The following IMPG2 variants were observed in gnomAD, a reference collection of about 807,000 sequenced individuals.
IMPG2 encodes the protein interphotoreceptor matrix proteoglycan 2.
A neutral mutation model predicts 129.2 loss-of-function variants in IMPG2; 91 were observed. That is an observed-to-expected ratio of 0.70 (90% CI 0.59 to 0.84). The LOEUF is 0.84. Ranked by LOEUF, IMPG2 falls within the 40% of genes least tolerant of loss-of-function variation. The pLI, the probability that IMPG2 is intolerant of heterozygous loss-of-function variation, is 0.00. For synonymous variants in IMPG2, 510 were observed against 517.7 expected (o/e 0.99, Z 0.20); for missense variants, 1,430 against 1,461.7 (o/e 0.98, Z 0.35).
rs1209298960 is a variant in IMPG2, at chr3:101,245,959, G to C, written c.1386C>G (p.His462Gln). 2.5e-6 allele frequency: 4 copies of C among 1,614,154 alleles called. 1 individual carries two copies. The highest frequency in any genetic ancestry group is 3.3e-5 in the Admixed American group (2 of 60,006). The change falls in exon 12 of 19, where the codon CAC becomes CAG. Residue 462 changes from histidine (H) to glutamine (Q), a missense_variant. His to Gln is a conservative substitution (Grantham distance 24). Coordinates refer to ENST00000193391, the MANE Select transcript of IMPG2 (RefSeq NM_016247.4). ...ESPLGDLVST[H>Q]KLAFPSKMGL... ...CCATCTTCGAGGGAAAGGCTAATTTGTGTGTAGACACTAAATCACCCAAAG... is the reference window on the plus strand; with the variant it reads ...CCATCTTCGAGGGAAAGGCTAATTTCTGTGTAGACACTAAATCACCCAAAG...
rs552610520 is a variant in IMPG2, at chr3:101,224,758, T to G, written c.*2211A>C. The G allele has an allele frequency of 6.6e-6, 1 of 152,246 alleles. No homozygotes were observed. The highest frequency in any genetic ancestry group is 2.4e-5 in the African/African-American group (1 of 41,466). The allele number at this position is 152,246 out of a possible 1,614,324, so 9.4% of individuals were successfully genotyped here. On this transcript the variant is annotated 3_prime_UTR_variant, in exon 19 of 19. Transcript: ENST00000193391. The stretch of plus-strand genomic sequence containing the variant: ...CTGAGGCCTCCTGTTCTTTCCCTGA[T>G]AGTTGAGGGGCTCCTTTACTCTTCC...
Position 101,290,915 on chromosome 3 carries a change from T to C in IMPG2, c.533+564A>G, listed in dbSNP as rs145826336. On this transcript the variant is annotated intron_variant, in intron 4 of 18. Transcript: ENST00000193391. ...ATAATTTAGATGCTCCGAGGATGAATAGAATTGGAAAGCTTTAGCCCCTGT... is the reference window on the plus strand; with the variant it reads ...ATAATTTAGATGCTCCGAGGATGAACAGAATTGGAAAGCTTTAGCCCCTGT... Among the ~76,000 whole-genome samples, 1,123 of 152,246 alleles carry C rather than the reference T, an allele frequency of 7.4e-3. 12 individuals are homozygous for C. The highest frequency in any genetic ancestry group is 0.025 in the African/African-American group (1,029 of 41,546).
chr3:101,298,981 C>A (rs1707112090), intron 3 of IMPG2, among the ~76,000 whole-genome samples: 1 of 152,136 alleles, frequency 6.6e-6, no homozygotes, highest in South Asian at 2.1e-4. Flanking sequence ...TGGATAATAT[C>A]CTGAAGTATG....
intron 7 of IMPG2, among the ~76,000 whole-genome samples, chr3:101,271,387 A>G (rs907649173): frequency 7.9e-5 from 12 of 152,216 alleles, no homozygotes; most frequent in Admixed American, 7.9e-4. Flanking sequence ...GAGTCTAAAC[A>G]TGTATAGATA....
At chr3:101,265,681 A>G (rs1278221647) in intron 9 of IMPG2, among the ~76,000 whole-genome samples, 1 of 152,198 alleles carries the variant, frequency 6.6e-6, no homozygotes, top group Non-Finnish European at 1.5e-5. Flanking sequence ...ATGGGCAACA[A>G]AAGCAAAAAT....
In IMPG2 at chr3:101,244,096, C is replaced by T. The variant is rs768795511; in HGVS notation, c.2235G>A (p.Glu745=). 2.5e-6 allele frequency: 4 copies of T among 1,614,022 alleles called. No individual in the cohort carries two copies. The East Asian group carries it at 8.9e-5, about 36-fold the overall frequency. The change falls in exon 13 of 19, where the codon GAG becomes GAA. Residue 745 remains glutamate, a synonymous_variant. Coordinates refer to ENST00000193391, the MANE Select transcript of IMPG2 (RefSeq NM_016247.4). Reference sequence around the variant, plus strand: ...ATGACTCAGTAATTTGTTCCATATCCTCCCTTAGGATGGCATCTGCCTGAT... The same window carrying T: ...ATGACTCAGTAATTTGTTCCATATCTTCCCTTAGGATGGCATCTGCCTGAT... ...KSDQADAILR[E]DMEQITESSN...
chr3:101,250,725 C>T (rs1034889255), intron 11 of IMPG2, among the ~76,000 whole-genome samples: 1 of 152,166 alleles, frequency 6.6e-6, no homozygotes, highest in African/African-American at 2.4e-5. Context: ...GCAGTCCATG[C>T]TCTCATTTGG....
rs2058801705 is a variant in IMPG2 at position 101,319,662 on chromosome 3, G to C, written c.256C>G (p.Pro86Ala). The change falls in exon 2 of 19, where the codon CCT becomes GCT. Residue 86 changes from proline to alanine, a missense_variant. Pro to Ala is a conservative substitution (Grantham distance 27). Coordinates refer to ENST00000193391, the MANE Select transcript of IMPG2 (RefSeq NM_016247.4). ...LIRRRRSILF[P>A]NGVKICPDES... is the part of the protein sequence containing the mutation. ...TCTGGGCAGATTTTCACTCCATTAG[G>C]AAACAGAATAGATCTCCGCCTTCTG... 1.2e-6 allele frequency: 2 copies of C among 1,613,520 alleles called. No homozygotes were observed. The highest frequency in any genetic ancestry group is 1.7e-6 in the Non-Finnish European group (2 of 1,179,762).
intron 14 of IMPG2, among the ~76,000 whole-genome samples, chr3:101,241,700 AAAAGCTCCAGGTGTTAGG>A (rs1706409525): frequency 6.6e-6 from 1 of 152,246 alleles, no homozygotes; most frequent in African/African-American, 2.4e-5. Context: ...GTGAGTGACT[AAAAGCTCCAGGTGTTAGG>A]AATTGAGGTA....
At chr3:101,282,834 C>G (rs1229059987) in intron 4 of IMPG2, among the ~76,000 whole-genome samples, 1 of 152,212 alleles carries the variant, frequency 6.6e-6, no homozygotes, top group East Asian at 1.9e-4. Context: ...TTACAACTTT[C>G]TGTCCTTCTT....
At chr3:101,249,545 G>A (rs1474916281) in intron 11 of IMPG2, among the ~76,000 whole-genome samples, 2 of 151,900 alleles carry the variant, frequency 1.3e-5, no homozygotes, top group South Asian at 2.1e-4. Context: ...AAACATTTTT[G>A]GCAATGTAGC....
Position 101,226,788 on chromosome 3 carries a change from C to T in IMPG2, c.*181G>A. 6.6e-6 allele frequency: 4 copies of T among 607,932 alleles called. No homozygotes were observed. The highest frequency in any genetic ancestry group is 8.8e-6 in the Non-Finnish European group (3 of 342,548). 37.7% of individuals were successfully genotyped at this position (607,932 alleles called of 1,614,324 possible). A position where few individuals can be genotyped will look rare whatever the true frequency, so the allele number is the denominator to read the frequency against. On this transcript the variant is annotated 3_prime_UTR_variant, in exon 19 of 19. Transcript: ENST00000193391. ...GTCTTTATAGAAATAAAAATGGTAA[C>T]ATCTCTTACTACATTCTGAAAACTT... is the stretch of plus-strand genomic sequence containing the variant.
At chr3:101,277,567 T>C (rs482976) in intron 4 of IMPG2, among the ~76,000 whole-genome samples, 111,110 of 152,114 alleles carry the variant, frequency 0.73, 41,424 homozygotes, top group East Asian at 0.84. Context: ...TGAGAGATCA[T>C]TGAAATCATA....
intron 6 of IMPG2, among the ~76,000 whole-genome samples, chr3:101,274,948 G>C (rs1706825145): frequency 6.6e-6 from 1 of 152,008 alleles, no homozygotes; most frequent in Admixed American, 6.6e-5. Context: ...AGGCAGAGTG[G>C]AGCGACTTAA....
intron 3 of IMPG2, among the ~76,000 whole-genome samples, chr3:101,302,680 T>TG (rs1483458914): frequency 4.6e-5 from 7 of 152,340 alleles, no homozygotes; most frequent in African/African-American, 1.4e-4. Context: ...GCTTGATACA[T>TG]GACATGGTAC....
Position 101,245,896 on chromosome 3 carries a change from G to A in IMPG2, c.1449C>T (p.Ser483=). The A allele has an allele frequency of 6.2e-7, 1 of 1,614,190 alleles. No individual in the cohort carries two copies. Among genetic ancestry groups the A allele is most frequent in the Non-Finnish European group, 8.5e-7 (1 of 1,180,014 alleles). Residue 483 remains serine, a synonymous_variant, in exon 12 of 19, where the codon AGC becomes AGT. Coordinates refer to ENST00000193391, the MANE Select transcript of IMPG2 (RefSeq NM_016247.4). ...CCGGGGTGACAGAATGAAGAGTCAA[G>A]CTGCTAACCTCTAAAACCTCTGGGG... is the stretch of plus-strand genomic sequence containing the variant. ...SSSPEVLEVS[S]LTLHSVTPAV... is the part of the protein sequence containing the mutation.
chr3:101,225,147 TAAGCACTTAGTAGTGACA>T lies in IMPG2; in HGVS notation c.*1804_*1821del, dbSNP rs1649977825. 6.6e-6 allele frequency: 1 copy of T among 152,264 alleles called. No homozygotes were observed. Among genetic ancestry groups the T allele is most frequent in the South Asian group, 2.1e-4 (1 of 4,838 alleles). 9.4% of individuals were successfully genotyped at this position (152,264 alleles called of 1,614,324 possible). On this transcript the variant is annotated 3_prime_UTR_variant, in exon 19 of 19. Coordinates refer to ENST00000193391, the MANE Select transcript of IMPG2 (RefSeq NM_016247.4). Reference sequence around the variant, plus strand: ...ACTTTGAAAGTTTTATAAATAAAACTAAGCACTTAGTAGTGACAAATATCATTAACACTTAAAATGTCT... The same window carrying T: ...ACTTTGAAAGTTTTATAAATAAAACTAATATCATTAACACTTAAAATGTCT...
intron 3 of IMPG2, 57 bp downstream of exon 3, chr3:101,304,089 G>A: frequency 6.3e-7 from 1 of 1,576,430 alleles, no homozygotes. Context: ...TTAGGCCTTA[G>A]CTGTGTAAAT....
At chr3:101,249,668 A>G (rs1706522568) in intron 11 of IMPG2, among the ~76,000 whole-genome samples, 2 of 152,070 alleles carry the variant, frequency 1.3e-5, no homozygotes, top group South Asian at 2.1e-4. Flanking sequence ...AAAAAGCAAG[A>G]CATCTGTAAA....
Sources: allele counts gnomAD v4.1 joint callset (sites outside exome capture counted in the v4.1 genomes callset), GRCh38; gene constraint gnomAD v4.1.1; transcripts MANE v1.5; gene names NCBI Gene and HGNC (gene_info 2026-07-23, HGNC 2026-07-21).